Variants in TFAP2A observed in about 807,000 individuals in gnomAD.
TFAP2A encodes the protein transcription factor AP-2 alpha, also known as transcription factor AP-2-alpha.
A neutral mutation model predicts 41.5 loss-of-function variants in TFAP2A; 7 were observed. The ratio of observed to expected loss-of-function variants is 0.17; its 90% CI spans 0.10 to 0.32. The LOEUF is 0.32. TFAP2A is among the 10% of genes least tolerant of loss of function. The probability of loss-of-function intolerance (pLI) is 1.00; values close to 1 mark genes in which losing one functional copy is unlikely to be tolerated. For missense variants in TFAP2A, 416 were observed against 563.3 expected (o/e 0.74, Z 2.65); for synonymous variants, 247 against 242.8 (o/e 1.02, Z -0.16).
intron 4 of TFAP2A, among the ~76,000 whole-genome samples, chr6:10,404,158 C>G (rs1278168784): frequency 2.0e-5 from 3 of 152,232 alleles, no homozygotes; most frequent in African/African-American, 4.8e-5. Context: ...GGCTGTACGG[C>G]GCCCCGCGGC....
chr6:10,413,960 G>A (rs1173146461), intron 1 of TFAP2A, among the ~76,000 whole-genome samples: 1 of 152,070 alleles, frequency 6.6e-6, no homozygotes, highest in Admixed American at 6.5e-5. Flanking sequence ...CGGACTCATT[G>A]CTCATTACAG....
Position 10,400,510 on chromosome 6 carries a change from G to T in TFAP2A, c.969C>A (p.Leu323=). 1 of 1,614,172 alleles carries T rather than the reference G, an allele frequency of 6.2e-7. No homozygotes were observed. ...EFPAKAVAEF[L]NRQHSDPNEQ... is the part of the protein sequence containing the mutation. The stretch of plus-strand genomic sequence containing the variant: ...CATTGGGATCGGAATGTTGTCGGTT[G>T]AGAAATTCAGCTACTGCTTTGGCAG... The change falls in exon 6 of 7, where the codon CTC becomes CTA. Residue 323 remains leucine, a synonymous_variant. Coordinates refer to ENST00000379613, the MANE Select transcript of TFAP2A (RefSeq NM_001372066.1).
chr6:10,405,517 G>C (rs1757670442), intron 3 of TFAP2A: 1 of 151,910 alleles, frequency 6.6e-6, no homozygotes, highest in Admixed American at 6.6e-5. Flanking sequence ...GCCTTTATTG[G>C]GAAAGTGGGT....
At position 10,398,276 on chromosome 6, in the gene TFAP2A, G is replaced by A; in HGVS notation, c.*141C>T. 2 of 1,567,616 alleles carry A rather than the reference G, an allele frequency of 1.3e-6. No individual in the cohort carries two copies. The highest frequency in any genetic ancestry group is 1.7e-6 in the Non-Finnish European group (2 of 1,162,278). ...CCCGGAGACTCGGGGGGACCCAAGGGCAGCGGCGGCGGCGGCGGCGGCAGC... is the reference window on the plus strand; with the variant it reads ...CCCGGAGACTCGGGGGGACCCAAGGACAGCGGCGGCGGCGGCGGCGGCAGC... On this transcript the variant is annotated 3_prime_UTR_variant, in exon 7 of 7. Coordinates refer to ENST00000379613, the MANE Select transcript of TFAP2A (RefSeq NM_001372066.1). This position sits in a 1 kb window ranked among gnomAD's most constrained non-coding sequence, Gnocchi z 5.3.
At chr6:10,412,145 G>T (rs1007731514) in intron 1 of TFAP2A, 2 of 991,258 alleles carry the variant, frequency 2.0e-6, no homozygotes, top group Middle Eastern at 5.2e-4. Context: ...GTCCATTGAC[G>T]GGAGTCTCAG....
Position 10,410,261 on chromosome 6 carries a change from C to G in TFAP2A, c.126G>C (p.Thr42=). The part of the protein sequence containing the change: ...QLGTVGQSPY[T]SAPPLSHTPN... ...GGGTGTGGGACAGCGGCGGGGCGCT[C>G]GTGTAGGGAGATTGACCTACAGTGC... Residue 42 remains threonine, a synonymous_variant, in exon 2 of 7, where the codon ACG becomes ACC. Transcript: ENST00000379613. The G allele has an allele frequency of 6.2e-7, 1 of 1,613,074 alleles. No individual in the cohort carries two copies. The highest frequency in any genetic ancestry group is 1.1e-5 in the South Asian group (1 of 91,022).
chr6:10,404,442 C>G (rs1053111008), intron 4 of TFAP2A, 66 bp downstream of exon 4: 1 of 1,234,018 alleles, frequency 8.1e-7, no homozygotes, highest in Non-Finnish European at 1.0e-6. Flanking sequence ...CCGCCACCGC[C>G]CCGGCGCAAG....
chr6:10,413,918 A>G (rs890888879), intron 1 of TFAP2A, among the ~76,000 whole-genome samples: 1 of 151,284 alleles, frequency 6.6e-6, no homozygotes, highest in African/African-American at 2.4e-5. Flanking sequence ...TATTTAGGTA[A>G]TCTCCAGCCC....
upstream of TFAP2A, chr6:10,415,622 C>T (rs1758213733): frequency 6.0e-6 from 1 of 165,956 alleles, no homozygotes; most frequent in Non-Finnish European, 1.3e-5. Flanking sequence ...TAGCACTTCT[C>T]CCTTAACCCT....
upstream of TFAP2A, chr6:10,418,113 T>C (rs1339409635): frequency 2.0e-5 from 3 of 152,264 alleles, no homozygotes; most frequent in East Asian, 1.9e-4. Context: ...GTCTCTGGTA[T>C]GGGATTTGCA....
In TFAP2A at chr6:10,398,095, G is replaced by A. The variant is rs1761849958; in HGVS notation, c.*322C>T. 3 of 1,215,398 alleles carry A rather than the reference G, an allele frequency of 2.5e-6. No homozygotes were observed. Among genetic ancestry groups the A allele is most frequent in the African/African-American group, 1.6e-5 (1 of 63,568 alleles). The allele number at this position is 1,215,398 out of a possible 1,614,324, so 75.3% of individuals were successfully genotyped here. On this transcript the variant is annotated 3_prime_UTR_variant, in exon 7 of 7. Coordinates refer to ENST00000379613, the MANE Select transcript of TFAP2A (RefSeq NM_001372066.1). The surrounding 1 kb of genome is among the most constrained non-coding windows in gnomAD (Gnocchi z 5.3). ...TTGTTGTTTTGTTTAAAAAAAAAAG[G>A]GTTCACAAACTTGGCAGAACTTTTC...
At chr6:10,403,425 G>A (rs191836965) in intron 4 of TFAP2A, among the ~76,000 whole-genome samples, 4 of 152,266 alleles carry the variant, frequency 2.6e-5, no homozygotes, top group African/African-American at 9.6e-5. Flanking sequence ...GACTACAAAG[G>A]GAAAGCAAAA....
At chr6:10,411,596 T>A (rs1367430784) in intron 1 of TFAP2A, 12 of 1,613,830 alleles carry the variant, frequency 7.4e-6, no homozygotes, top group African/African-American at 1.3e-5. Flanking sequence ...TGAACTAACA[T>A]CTGCGAAGAG....
intron 1 of TFAP2A, chr6:10,411,071 C>T (rs891897438): frequency 1.9e-5 from 3 of 154,708 alleles, no homozygotes; most frequent in Non-Finnish European, 2.9e-5. Flanking sequence ...CCCTTCCACC[C>T]CAGCCCCAAA....
chr6:10,408,887 G>A (rs1376796248), intron 2 of TFAP2A, among the ~76,000 whole-genome samples: 2 of 152,228 alleles, frequency 1.3e-5, no homozygotes, highest in African/African-American at 4.8e-5. Context: ...ACATACTGCT[G>A]CAATATTTGA....
upstream of TFAP2A, chr6:10,415,181 GGAGGAGGAGGGC>G (rs1452569711): frequency 4.0e-6 from 6 of 1,497,864 alleles, 1 homozygote; most frequent in South Asian, 1.3e-5. Context: ...AGGGCGAGGA[GGAGGAGGAGGGC>G]GAGGAGAAGG....
intron 1 of TFAP2A, among the ~76,000 whole-genome samples, chr6:10,413,874 A>C (rs916707206): frequency 6.6e-6 from 1 of 151,992 alleles, no homozygotes; most frequent in Non-Finnish European, 1.5e-5. Flanking sequence ...AAGAAAAAAA[A>C]AAAAAACAGC....
rs1439089148 is a variant in TFAP2A, at chr6:10,397,837, G to A, written c.*580C>T. ...AAGAGGAAAAACTTCTACAACTGAAGACATGACATGGAACTTCGTGTATTT... is the reference window on the plus strand; with the variant it reads ...AAGAGGAAAAACTTCTACAACTGAAAACATGACATGGAACTTCGTGTATTT... On this transcript the variant is annotated 3_prime_UTR_variant, in exon 7 of 7. Transcript: ENST00000379613. 2 of 986,158 alleles carry A rather than the reference G, an allele frequency of 2.0e-6. No homozygotes were observed. The highest frequency in any genetic ancestry group is 3.5e-5 in the African/African-American group (2 of 57,024). 61.1% of individuals were successfully genotyped at this position (986,158 alleles called of 1,614,324 possible). A position where few individuals can be genotyped will look rare whatever the true frequency, so the allele number is the denominator to read the frequency against.
At chr6:10,419,620 C>T (rs1581280763), upstream of TFAP2A, 1 of 779,472 alleles carries the variant, frequency 1.3e-6, no homozygotes, top group Non-Finnish European at 2.2e-6. Context: ...GCGCGCTGGC[C>T]CAGGAATTCA....
Sources: allele counts gnomAD v4.1 joint callset (sites outside exome capture counted in the v4.1 genomes callset), GRCh38; gene constraint gnomAD v4.1.1; non-coding constraint Gnocchi (gnomAD v3.1); transcripts MANE v1.5; gene names NCBI Gene and HGNC (gene_info 2026-07-23, HGNC 2026-07-21).